The following RNF150 variants were observed in gnomAD, a reference collection of about 807,000 sequenced individuals.
The protein encoded by RNF150 is ring finger protein 150.
In RNF150, 24 loss-of-function variants were observed where a neutral mutation model predicts 39.3. The ratio of observed to expected loss-of-function variants is 0.61; its 90% CI spans 0.44 to 0.86. The LOEUF (loss-of-function observed/expected upper bound fraction) is 0.86, where lower values mean the gene tolerates loss of function less well. RNF150 is among the 40% of genes least tolerant of loss of function. The pLI is 0.00. For missense variants in RNF150, 502 were observed against 587.8 expected, an observed-to-expected ratio of 0.85 and a Z score of 1.51; for synonymous variants, 255 against 227.3, an observed-to-expected ratio of 1.12 and a Z score of -1.10.
At position 140,921,830 on chromosome 4, in the gene RNF150, A is replaced by T. The variant is rs982882134; in HGVS notation, c.987+4147T>A. Among the ~76,000 whole-genome samples, 7 of 152,276 alleles carry T rather than the reference A, an allele frequency of 4.6e-5. No homozygotes were observed. In the East Asian group the frequency reaches 5.8e-4, roughly 13 times the overall value. On this transcript the variant is annotated intron_variant, in intron 5 of 6. Coordinates refer to ENST00000515673, the MANE Select transcript of RNF150 (RefSeq NM_020724.2). ...TGGTTCAACATATGCAAATCAATAAACGTAATCCAGCATATAAACAGAACC... is the reference window on the plus strand; with the variant it reads ...TGGTTCAACATATGCAAATCAATAATCGTAATCCAGCATATAAACAGAACC...
At chr4:140,930,794 C>T (rs909087705) in intron 4 of RNF150, among the ~76,000 whole-genome samples, 4 of 152,190 alleles carry the variant, frequency 2.6e-5, no homozygotes, top group African/African-American at 9.7e-5. Flanking sequence ...GCACTGGTTA[C>T]GTCACCCCCG....
intron 1 of RNF150, among the ~76,000 whole-genome samples, chr4:141,028,231 T>G (rs1001822438): frequency 6.6e-6 from 1 of 152,188 alleles, no homozygotes; most frequent in Non-Finnish European, 1.5e-5. Context: ...TGGGTTCACA[T>G]TTGGCATTCA....
intron 1 of RNF150, among the ~76,000 whole-genome samples, chr4:141,186,979 A>G (rs934339173): frequency 6.6e-6 from 1 of 151,910 alleles, no homozygotes; most frequent in Non-Finnish European, 1.5e-5. Flanking sequence ...CCACTTTCTG[A>G]TGTGGGCCGT....
At chr4:141,077,855 G>A (rs1560725671) in intron 1 of RNF150, among the ~76,000 whole-genome samples, 1 of 152,224 alleles carries the variant, frequency 6.6e-6, no homozygotes, top group African/African-American at 2.4e-5. Flanking sequence ...CCTATGCCAG[G>A]GATGGCCTTT....
chr4:141,056,992 A>G (rs1220445737), intron 1 of RNF150, among the ~76,000 whole-genome samples: 2 of 152,178 alleles, frequency 1.3e-5, no homozygotes, highest in Non-Finnish European at 2.9e-5. Context: ...ACAAACCTTG[A>G]CTATCCAAAT....
intron 1 of RNF150, among the ~76,000 whole-genome samples, chr4:141,129,947 T>C (rs929707734): frequency 1.3e-5 from 2 of 152,224 alleles, no homozygotes; most frequent in Non-Finnish European, 2.9e-5. Flanking sequence ...TATCATCAGC[T>C]TTTGCAGTTT....
At chr4:141,163,253 A>C (rs138066223) in intron 1 of RNF150, among the ~76,000 whole-genome samples, 139 of 152,312 alleles carry the variant, frequency 9.1e-4, no homozygotes, top group African/African-American at 3.2e-3. Context: ...GCTTCTCTAG[A>C]TTCTTCCTCT....
chr4:141,080,742 A>G (rs767901527), intron 1 of RNF150, among the ~76,000 whole-genome samples: 2 of 152,182 alleles, frequency 1.3e-5, no homozygotes, highest in Non-Finnish European at 2.9e-5. Context: ...ATGGAGCTTT[A>G]GAATCAGTCC....
intron 4 of RNF150, among the ~76,000 whole-genome samples, chr4:140,933,689 T>G (rs1024241458): frequency 5.3e-5 from 8 of 152,224 alleles, no homozygotes; most frequent in Non-Finnish European, 1.2e-4. Flanking sequence ...GAGGTATGAA[T>G]GGTGAAGAAA....
chr4:140,950,731 G>A (rs925507108), intron 2 of RNF150, among the ~76,000 whole-genome samples: 1 of 152,150 alleles, frequency 6.6e-6, no homozygotes, highest in Non-Finnish European at 1.5e-5. Flanking sequence ...TATTTACCAC[G>A]TGGCACTTCT....
intron 1 of RNF150, among the ~76,000 whole-genome samples, chr4:141,179,384 A>G (rs1166476696): frequency 1.3e-5 from 2 of 152,238 alleles, no homozygotes; most frequent in Non-Finnish European, 2.9e-5. Flanking sequence ...TATTTAAAAT[A>G]GTTCAATAGT....
At chr4:140,955,268 T>C (rs569971831) in intron 2 of RNF150, among the ~76,000 whole-genome samples, 11 of 152,328 alleles carry the variant, frequency 7.2e-5, no homozygotes, top group African/African-American at 2.4e-4. Flanking sequence ...ATAGCTGTGA[T>C]GACCTCATAG....
rs35348369 is a variant in RNF150, at chr4:141,063,991, CAA to C, written c.484+68332_484+68333del. Among the ~76,000 whole-genome samples, 564 of 116,620 alleles carry C rather than the reference CAA, an allele frequency of 4.8e-3. 3 individuals are homozygous for C. The highest frequency in any genetic ancestry group is 0.016 in the African/African-American group (466 of 28,358). 76.5% of individuals were successfully genotyped at this position (116,620 alleles called of 152,430 possible). A position where few individuals can be genotyped will look rare whatever the true frequency, so the allele number is the denominator to read the frequency against. ...AATGAATCAACGACAAAAAGTTCTA[CAA>C]AAAAAAAAAAAAAAAGGACTGATGG... On this transcript the variant is annotated intron_variant, in intron 1 of 6. Coordinates refer to ENST00000515673, the MANE Select transcript of RNF150 (RefSeq NM_020724.2).
At chr4:140,967,953 G>T in intron 1 of RNF150, 80 bp from the exon 2 acceptor site, 2 of 1,298,108 alleles carry the variant, frequency 1.5e-6, no homozygotes, top group African/African-American at 1.5e-5. Flanking sequence ...TGTGGACACA[G>T]TAACACGAAA....
At chr4:140,998,079 C>T (rs1158980113) in intron 1 of RNF150, among the ~76,000 whole-genome samples, 2 of 152,238 alleles carry the variant, frequency 1.3e-5, no homozygotes, top group Admixed American at 6.5e-5. Context: ...CAATAAATAA[C>T]GTTCTCTGAA....
chr4:141,051,619 C>A (rs1736779751), intron 1 of RNF150, among the ~76,000 whole-genome samples: 1 of 152,206 alleles, frequency 6.6e-6, no homozygotes, highest in Non-Finnish European at 1.5e-5. Flanking sequence ...TAACAAGAGG[C>A]ACCTTTGCTC....
At chr4:140,990,914 G>A (rs561971339) in intron 1 of RNF150, among the ~76,000 whole-genome samples, 23 of 152,252 alleles carry the variant, frequency 1.5e-4, no homozygotes, top group African/African-American at 2.9e-4. Flanking sequence ...TCACCACACC[G>A]TCTTTCACAA....
rs142242384 is a variant in RNF150 at position 141,201,494 on chromosome 4, G to T, written c.-6+11300C>A. Among the ~76,000 whole-genome samples the T allele has an allele frequency of 7.8e-4, 118 of 151,960 alleles. No individual in the cohort carries two copies. In the Middle Eastern group the frequency reaches 0.01, roughly 13 times the overall value. On this transcript the variant is annotated intron_variant, in intron 1 of 7. Transcript: ENST00000420921. ...GACAATTCTCCTTGTAATTTTTATT[G>T]GTGTGTCTTCCAGAAGGTCAGCCAT...
chr4:141,067,472 A>G (rs897772236), intron 1 of RNF150, among the ~76,000 whole-genome samples: 139 of 152,314 alleles, frequency 9.1e-4, no homozygotes, highest in African/African-American at 3.2e-3. Flanking sequence ...GTGGCTGGAT[A>G]TGCCTACATA....
Sources: gnomAD v4.1 joint callset for allele counts (sites outside exome capture counted in the v4.1 genomes callset) on GRCh38, gnomAD v4.1.1 for gene constraint, MANE v1.5 for transcripts, NCBI Gene and HGNC (gene_info 2026-07-23, HGNC 2026-07-21) for gene names.